The following DMRT1 variants were observed in gnomAD, a reference collection of about 807,000 sequenced individuals.
DMRT1 encodes the protein doublesex and mab-3 related transcription factor 1, also known as doublesex- and mab-3-related transcription factor 1.
Under a neutral mutation model 32.3 loss-of-function variants are expected in DMRT1, and 7 were observed. That is an observed-to-expected ratio of 0.22 (90% CI 0.12 to 0.41). The LOEUF (loss-of-function observed/expected upper bound fraction) is 0.41. DMRT1 is among the 10% of genes least tolerant of loss of function. The pLI is 1.00. For missense variants in DMRT1, 625 were observed against 500.5 expected, an observed-to-expected ratio of 1.25 and a Z score of -2.37; for synonymous variants, 278 against 206.1, an observed-to-expected ratio of 1.35 and a Z score of -2.99.
At chr9:879,898 T>A (rs1816662027) in intron 2 of DMRT1, among the ~76,000 whole-genome samples, 1 of 152,242 alleles carries the variant, frequency 6.6e-6, no homozygotes, top group African/African-American at 2.4e-5. Flanking sequence ...CACATTTTAT[T>A]ACAAAATACC....
intron 2 of DMRT1, among the ~76,000 whole-genome samples, chr9:878,396 T>C (rs1589490302): frequency 6.6e-6 from 1 of 152,122 alleles, no homozygotes; most frequent in Admixed American, 6.6e-5. Flanking sequence ...TTGCAGGAGG[T>C]GCACAGTAAG....
chr9:846,881 T>G, intron 1 of DMRT1, 79 bp from the exon 2 acceptor site: 1 of 1,551,292 alleles, frequency 6.4e-7, no homozygotes, highest in Non-Finnish European at 8.9e-7. Context: ...TCATGGTGTC[T>G]GGGATGGGTG....
intron 4 of DMRT1, among the ~76,000 whole-genome samples, chr9:962,365 G>A (rs1237600334): frequency 6.6e-6 from 1 of 152,138 alleles, no homozygotes; most frequent in African/African-American, 2.4e-5. Context: ...GGAAGGTGAG[G>A]AGTGAGGGGA....
chr9:925,716 A>G (rs1818500981), intron 4 of DMRT1, among the ~76,000 whole-genome samples: 1 of 152,194 alleles, frequency 6.6e-6, no homozygotes, highest in African/African-American at 2.4e-5. Flanking sequence ...CTGTAAGACA[A>G]TATCTGACCA....
intron 4 of DMRT1, among the ~76,000 whole-genome samples, chr9:937,179 C>T (rs1426416715): frequency 6.6e-6 from 1 of 152,222 alleles, no homozygotes; most frequent in African/African-American, 2.4e-5. Flanking sequence ...GTCAGACCCT[C>T]ATTCCTTTTT....
Position 894,297 on chromosome 9 carries a change from C to A in DMRT1, c.822+102C>A, listed in dbSNP as rs1033836. ...CAGAGGCACACACGCACTTGTGCGC[C>A]CAGAGGCACACACAGGTGACACACA... On this transcript the variant is annotated intron_variant, in intron 3 of 4. Coordinates refer to ENST00000382276, the MANE Select transcript of DMRT1 (RefSeq NM_021951.3). 0.046 allele frequency: 59,366 copies of A among 1,296,372 alleles called. 2,699 individuals carry two copies. The highest frequency in any genetic ancestry group is 0.18 in the Admixed American group (10,709 of 59,062). The allele number at this position is 1,296,372 out of a possible 1,614,324, so 80.3% of individuals were successfully genotyped here.
rs563843617 is a variant in DMRT1, at chr9:941,417, C to T, written c.967+24510C>T. On this transcript the variant is annotated intron_variant, in intron 4 of 4. Transcript: ENST00000382276. ...ATGGATGAACCTTGAGGACATTATG[C>T]TAAGTTACATGTCGTTCACAAGAAG... 2.8e-5 allele frequency among the ~76,000 whole-genome samples: 4 copies of T among 144,316 alleles called. No individual in the cohort carries two copies. In the East Asian group the frequency reaches 8.6e-4, roughly 31 times the overall value. The allele number at this position is 144,316 out of a possible 152,430, so 94.7% of individuals were successfully genotyped here.
At chr9:900,225 C>T (rs1215601224) in intron 3 of DMRT1, among the ~76,000 whole-genome samples, 1 of 151,970 alleles carries the variant, frequency 6.6e-6, no homozygotes, top group African/African-American at 2.4e-5. Flanking sequence ...AAAAAGTGCC[C>T]CCTTGTGAGT....
At chr9:857,127 TG>T (rs1815431401) in intron 2 of DMRT1, among the ~76,000 whole-genome samples, 1 of 152,020 alleles carries the variant, frequency 6.6e-6, no homozygotes, top group African/African-American at 2.4e-5. Context: ...CCAGCCATGG[TG>T]AAACCCCGTC....
rs151051913 is a variant in DMRT1 at position 880,250 on chromosome 9, G to A, written c.539-13662G>A. On this transcript the variant is annotated intron_variant, in intron 2 of 4. Coordinates refer to ENST00000382276, the MANE Select transcript of DMRT1 (RefSeq NM_021951.3). ...TTCCTTTGGTGTGCAGAAAGGCTGTGTGAGTCCTTCCCATTGAGTCACACA... is the reference window on the plus strand; with the variant it reads ...TTCCTTTGGTGTGCAGAAAGGCTGTATGAGTCCTTCCCATTGAGTCACACA... Among the ~76,000 whole-genome samples, 673 of 152,280 alleles carry A rather than the reference G, an allele frequency of 4.4e-3. 5 individuals are homozygous for A. The highest frequency in any genetic ancestry group is 0.031 in the South Asian group (148 of 4,830).
chr9:948,822 A>G lies in DMRT1; in HGVS notation c.968-19163A>G, dbSNP rs374042255. Among the ~76,000 whole-genome samples, 61 of 151,906 alleles carry G rather than the reference A, an allele frequency of 4.0e-4. 1 individual carries two copies. The East Asian group carries it at 7.5e-3, about 19-fold the overall frequency. On this transcript the variant is annotated intron_variant, in intron 4 of 4. Coordinates refer to ENST00000382276, the MANE Select transcript of DMRT1 (RefSeq NM_021951.3). ...TGTAATCCTAGCACTTCGGGAGGCC[A>G]AAGTGGATGGATCACTTGAGGTCAG...
intron 2 of DMRT1, among the ~76,000 whole-genome samples, chr9:851,968 C>T (rs552356824): frequency 6.9e-6 from 1 of 145,926 alleles, no homozygotes; most frequent in Admixed American, 6.9e-5. Flanking sequence ...TTGAGACAGT[C>T]TCACTCTGTC....
At chr9:872,211 G>C (rs1424043817) in intron 2 of DMRT1, among the ~76,000 whole-genome samples, 2 of 151,148 alleles carry the variant, frequency 1.3e-5, no homozygotes, top group Admixed American at 1.3e-4. Context: ...ACAGGCGCCC[G>C]CCACCATGCC....
At chr9:861,150 T>C (rs539389215) in intron 2 of DMRT1, among the ~76,000 whole-genome samples, 13 of 149,092 alleles carry the variant, frequency 8.7e-5, no homozygotes, top group African/African-American at 3.0e-4. Context: ...GGAGGGAAGG[T>C]CAGCAGATAA....
intron 4 of DMRT1, among the ~76,000 whole-genome samples, chr9:943,815 G>A (rs1819155462): frequency 6.6e-6 from 1 of 152,214 alleles, no homozygotes; most frequent in Non-Finnish European, 1.5e-5. Context: ...CAATGGGAAA[G>A]AAGTTATTTT....
intron 2 of DMRT1, among the ~76,000 whole-genome samples, chr9:856,148 C>G (rs914852699): frequency 9.2e-5 from 14 of 152,062 alleles, no homozygotes; most frequent in African/African-American, 2.9e-4. Flanking sequence ...AATTCCTGAC[C>G]TCAAGTGATC....
chr9:938,898 TGAACACTA>T (rs1818971508), intron 4 of DMRT1, among the ~76,000 whole-genome samples: 1 of 152,246 alleles, frequency 6.6e-6, no homozygotes, highest in African/African-American at 2.4e-5. Flanking sequence ...GTGATCATGT[TGAACACTA>T]ATAGCCTGAT....
At chr9:877,250 A>C (rs1208132942) in intron 2 of DMRT1, among the ~76,000 whole-genome samples, 2 of 152,212 alleles carry the variant, frequency 1.3e-5, no homozygotes, top group Middle Eastern at 3.2e-3. Context: ...GGAATAAAAA[A>C]ATTGAGTGGT....
chr9:856,009 C>G (rs1815383732), intron 2 of DMRT1, among the ~76,000 whole-genome samples: 1 of 152,088 alleles, frequency 6.6e-6, no homozygotes, highest in African/African-American at 2.4e-5. Context: ...CTCTGCCTCC[C>G]AGGTTCAAGC....
Sources: gnomAD v4.1 joint callset for allele counts (sites outside exome capture counted in the v4.1 genomes callset) on GRCh38, gnomAD v4.1.1 for gene constraint, MANE v1.5 for transcripts, NCBI Gene and HGNC (gene_info 2026-07-23, HGNC 2026-07-21) for gene names.